Variants in DEPDC4 observed in about 807,000 individuals in gnomAD.
DEPDC4 encodes DEP domain-containing protein 4.
Under a neutral mutation model 52.0 loss-of-function variants are expected in DEPDC4, and 52 were observed. The observed-to-expected ratio is 1.00, with a 90% confidence interval of 0.80 to 1.26. The LOEUF (loss-of-function observed/expected upper bound fraction) is 1.26. Among genes scored for constraint, DEPDC4 ranks in the 50% most tolerant of loss-of-function variants. DEPDC4 has a pLI of 0.00. For synonymous variants in DEPDC4, 201 were observed against 196.8 expected (o/e 1.02, Z -0.18); for missense variants, 530 against 546.9 (o/e 0.97, Z 0.31).
At chr12:100,261,756 T>C (rs1040336988) in intron 3 of DEPDC4, 4 of 456,606 alleles carry the variant, frequency 8.8e-6, no homozygotes, top group African/African-American at 6.0e-5. Context: ...AATTGCTGTG[T>C]AGAAGGAAAC....
At chr12:100,281,935 A>G in the DEPDC4 span, among the ~76,000 whole-genome samples, 9 of 152,222 alleles carry the variant, frequency 5.9e-5, no homozygotes, top group Admixed American at 5.9e-4. Context: ...TGAAGTGATC[A>G]ACACCTGTGA....
At chr12:100,267,444 C>T (rs2096279403), upstream of DEPDC4, 1 of 176,864 alleles carries the variant, frequency 5.7e-6, no homozygotes, top group Non-Finnish European at 1.2e-5. Flanking sequence ...ACCGGCGGCT[C>T]TCTCGCCTGG....
intron 1 of DEPDC4, among the ~76,000 whole-genome samples, chr12:100,266,329 T>G (rs934515247): frequency 1.4e-4 from 21 of 152,120 alleles, no homozygotes; most frequent in Admixed American, 9.8e-4. Flanking sequence ...TCAAGAAATC[T>G]TATCCCCAGA....
At chr12:100,253,777 T>A in intron 4 of DEPDC4, 62 bp from the exon 5 acceptor site, 2 of 907,638 alleles carry the variant, frequency 2.2e-6, no homozygotes, top group South Asian at 1.6e-5. Context: ...ACTAAAGCAC[T>A]ATTTGATAAA....
chr12:100,244,134 T>TATATACAC (rs1403751762), intron 8 of DEPDC4, among the ~76,000 whole-genome samples: 1,280 of 121,718 alleles, frequency 0.011, 25 homozygotes, highest in Middle Eastern at 0.02. Flanking sequence ...TATATATATA[T>TATATACAC]ACACAAAATA....
chr12:100,259,026 G>A (rs1168627695), intron 3 of DEPDC4, among the ~76,000 whole-genome samples: 2 of 150,890 alleles, frequency 1.3e-5, no homozygotes, highest in African/African-American at 4.9e-5. Flanking sequence ...AGCCGAGATC[G>A]CACCACTGCA....
At chr12:100,237,427 C>T (rs577660143), downstream of DEPDC4, among the ~76,000 whole-genome samples, 13 of 152,170 alleles carry the variant, frequency 8.5e-5, no homozygotes, top group East Asian at 3.9e-4. Flanking sequence ...AGGCTGGACT[C>T]GAACTCCTGA....
intron 3 of DEPDC4, among the ~76,000 whole-genome samples, chr12:100,259,142 A>C (rs1252100228): frequency 6.6e-6 from 1 of 152,080 alleles, no homozygotes; most frequent in African/African-American, 2.4e-5. Context: ...TGTGCCACTA[A>C]AATCAGCAGT....
chr12:100,281,025 T>TG, the DEPDC4 span, among the ~76,000 whole-genome samples: 2 of 109,844 alleles, frequency 1.8e-5, no homozygotes, highest in Non-Finnish European at 3.7e-5. Context: ...CAGTGTTTTT[T>TG]TTTTTTTTTT....
chr12:100,244,134 T>TATACAC lies in DEPDC4; in HGVS notation c.1454-1566_1454-1565insGTGTAT, dbSNP rs1403751762. Among the ~76,000 whole-genome samples the TATACAC allele has an allele frequency of 2.1e-3, 250 of 121,786 alleles. 4 individuals are homozygous for TATACAC. Among genetic ancestry groups the TATACAC allele is most frequent in the Middle Eastern group, 5.1e-3 (1 of 196 alleles). 79.9% of individuals were successfully genotyped at this position (121,786 alleles called of 152,430 possible). ...ATATATATATATATATATATATATA[T>TATACAC]ACACAAAATACAATAAAATACAATT... On this transcript the variant is annotated intron_variant, in intron 8 of 9. Transcript: ENST00000550587.
At chr12:100,280,432 A>G in the DEPDC4 span, among the ~76,000 whole-genome samples, 1 of 152,174 alleles carries the variant, frequency 6.6e-6, no homozygotes. Flanking sequence ...ACTCCAGATT[A>G]GGAACTGCTA....
At chr12:100,239,135 G>A (rs1316620407), downstream of DEPDC4, among the ~76,000 whole-genome samples, 2 of 152,090 alleles carry the variant, frequency 1.3e-5, no homozygotes, top group Non-Finnish European at 2.9e-5. Context: ...GGAGTGCAGC[G>A]GTGTGATCTC....
Position 100,253,489 on chromosome 12 carries a change from C to T in DEPDC4, c.1105G>A (p.Glu369Lys). ...DIHSGIIELL[E>K]NEKRAEALEA... ...TTAAAATATAAACATCCTATCTTACCTAAAAGTTCAATAATTCCTGAATGA... is the reference window on the plus strand; with the variant it reads ...TTAAAATATAAACATCCTATCTTACTTAAAAGTTCAATAATTCCTGAATGA... Residue 369 changes from glutamate to lysine, a missense_variant and splice_region_variant, in exon 5 of 10, where the codon GAA becomes AAA. Glu to Lys is a moderately conservative substitution (Grantham distance 56). Coordinates refer to ENST00000550587, the MANE Select transcript of DEPDC4 (RefSeq NM_001364818.2). The T allele has an allele frequency of 8.1e-7, 1 of 1,237,162 alleles. No individual in the cohort carries two copies. The highest frequency in any genetic ancestry group is 1.1e-6 in the Non-Finnish European group (1 of 946,110). The allele number at this position is 1,237,162 out of a possible 1,614,324, so 76.6% of individuals were successfully genotyped here.
chr12:100,258,427 A>G (rs1310639512), intron 3 of DEPDC4, among the ~76,000 whole-genome samples: 1 of 152,136 alleles, frequency 6.6e-6, no homozygotes, highest in Non-Finnish European at 1.5e-5. Flanking sequence ...AATGGGGAAA[A>G]TCACCAATGA....
At chr12:100,266,283 A>C (rs573953795) in intron 1 of DEPDC4, among the ~76,000 whole-genome samples, 2 of 152,228 alleles carry the variant, frequency 1.3e-5, no homozygotes, top group East Asian at 3.9e-4. Flanking sequence ...ACCACCCTCA[A>C]ATTCCTTCTG....
chr12:100,270,695 G>T (rs151163659), upstream of DEPDC4, among the ~76,000 whole-genome samples: 727 of 147,790 alleles, frequency 4.9e-3, 7 homozygotes, highest in Middle Eastern at 0.022. Context: ...GGCTGGTCTC[G>T]AACTCCTGAG....
chr12:100,246,345 T>C (rs577476046), intron 8 of DEPDC4, among the ~76,000 whole-genome samples: 4 of 152,296 alleles, frequency 2.6e-5, no homozygotes, highest in African/African-American at 9.6e-5. Flanking sequence ...GGCTTGAACA[T>C]ATCCCTGTCA....
chr12:100,266,248 G>A (rs1451811915), intron 1 of DEPDC4, among the ~76,000 whole-genome samples: 1 of 152,000 alleles, frequency 6.6e-6, no homozygotes, highest in Non-Finnish European at 1.5e-5. Context: ...ATATGTTTAC[G>A]ATAAAATGAC....
chr12:100,244,646 G>C (rs541246153), intron 8 of DEPDC4, among the ~76,000 whole-genome samples: 6 of 151,102 alleles, frequency 4.0e-5, no homozygotes, highest in African/African-American at 1.5e-4. Context: ...TATTTTTGTA[G>C]GGATGGGTTC....
Sources: gnomAD v4.1 joint callset for allele counts (sites outside exome capture counted in the v4.1 genomes callset) on GRCh38, gnomAD v4.1.1 for gene constraint, MANE v1.5 for transcripts, NCBI Gene and HGNC (gene_info 2026-07-23, HGNC 2026-07-21) for gene names.